Variants in MCFD2 observed in about 807,000 individuals in gnomAD.
The protein encoded by MCFD2 is multiple coagulation factor deficiency 2, ER cargo receptor complex subunit.
A neutral mutation model predicts 12.8 loss-of-function variants in MCFD2; 11 were observed. The ratio of observed to expected loss-of-function variants is 0.86; its 90% CI spans 0.54 to 1.42. MCFD2 has a LOEUF of 1.42. Among genes scored for constraint, MCFD2 ranks in the 40% most tolerant of loss-of-function variants. MCFD2 has a pLI of 0.00. For missense variants in MCFD2, 191 were observed against 178.6 expected, an observed-to-expected ratio of 1.07 and a Z score of -0.40; for synonymous variants, 70 against 68.1, an observed-to-expected ratio of 1.03 and a Z score of -0.14.
chr2:46,905,477 T>C lies in MCFD2; in HGVS notation c.427A>G (p.Lys143Glu). ...CCAAATAACATCTACTGCAGTGATT[T>C]TGCAAATTCAGCATAGTCAATGTAT... ...DGYIDYAEFA[K>E]SLQ The change falls in exon 4 of 4, where the codon AAA (lysine) becomes GAA (glutamate). Residue 143 changes from lysine (K) to glutamate (E), a missense_variant. Lys to Glu is a moderately conservative substitution (Grantham distance 56, BLOSUM62 1). Transcript: ENST00000319466. 6.2e-7 allele frequency: 1 copy of C among 1,612,762 alleles called. No individual in the cohort carries two copies. Among genetic ancestry groups the C allele is most frequent in the Non-Finnish European group, 8.5e-7 (1 of 1,179,964 alleles).
At chr2:46,935,962 G>A (rs1024673111) in intron 1 of MCFD2, among the ~76,000 whole-genome samples, 1 of 151,914 alleles carries the variant, frequency 6.6e-6, no homozygotes, top group African/African-American at 2.4e-5. Flanking sequence ...GTGGTGGCGT[G>A]TGCCTGTAGT....
chr2:46,917,471 C>T (rs1330330165), upstream of MCFD2, among the ~76,000 whole-genome samples: 2 of 152,326 alleles, frequency 1.3e-5, no homozygotes, highest in East Asian at 3.9e-4. Context: ...CATTCAATAA[C>T]ATTTCTTGAA....
chr2:46,934,568 C>G (rs1209460088), intron 1 of MCFD2, among the ~76,000 whole-genome samples: 1 of 152,074 alleles, frequency 6.6e-6, no homozygotes, highest in Non-Finnish European at 1.5e-5. Context: ...GCCACCCAAC[C>G]CGGCCTGTGA....
Position 46,909,047 on chromosome 2 carries a change from T to C in MCFD2, c.125A>G (p.Asp42Gly), listed in dbSNP as rs141927904. 84 of 1,614,188 alleles carry C rather than the reference T, an allele frequency of 5.2e-5. No homozygotes were observed. Among genetic ancestry groups the C allele is most frequent in the Non-Finnish European group, 6.7e-5 (79 of 1,180,032 alleles). Residue 42 changes from aspartate to glycine, a missense_variant, in exon 2 of 4, where the codon GAT becomes GGT. Transcript: ENST00000319466. The part of the protein sequence containing the change: ...SFSQPGSMGL[D>G]KNTVHDQEHI... ...CTCTTGGTCGTGCACTGTGTTCTTA[T>C]CCAGGCCCATGCTGCCGGGTTGGGA...
At chr2:46,916,278 G>C, upstream of MCFD2, 1 of 665,502 alleles carries the variant, frequency 1.5e-6, no homozygotes, top group South Asian at 6.7e-5. Context: ...AGCCGGCCTT[G>C]GACCCTACGT....
At chr2:46,930,284 TAA>T (rs781601021) in intron 1 of MCFD2, among the ~76,000 whole-genome samples, 1 of 151,070 alleles carries the variant, frequency 6.6e-6, no homozygotes, top group Non-Finnish European at 1.5e-5. Context: ...AGAAAAATTT[TAA>T]AAAGAGATAA....
rs1280363825 is a variant in MCFD2 at position 46,937,271 on chromosome 2, C to G, written c.-8+4301G>C. ...ATATCACAGCTGAAACCTGCTATTT[C>G]TTTTCCCCTACCCTATGCTCCTCCA... On this transcript the variant is annotated intron_variant, in intron 1 of 2. Transcript: ENST00000409147. This position sits in a 1 kb window ranked among gnomAD's most constrained non-coding sequence, Gnocchi z 4.0. Among the ~76,000 whole-genome samples the G allele has an allele frequency of 6.6e-6, 1 of 152,104 alleles. No homozygotes were observed. The highest frequency in any genetic ancestry group is 1.5e-5 in the Non-Finnish European group (1 of 68,002).
chr2:46,925,938 G>C (rs142830037), intron 1 of MCFD2, among the ~76,000 whole-genome samples: 1 of 152,306 alleles, frequency 6.6e-6, no homozygotes, highest in East Asian at 1.9e-4. Flanking sequence ...CCAGGTGTCA[G>C]CTAAGATCTT....
At chr2:46,934,435 T>A (rs187237392) in intron 1 of MCFD2, among the ~76,000 whole-genome samples, 1 of 152,074 alleles carries the variant, frequency 6.6e-6, no homozygotes, top group African/African-American at 2.4e-5. Flanking sequence ...ATTTTTGTAT[T>A]TTTAGTAGAG....
intron 1 of MCFD2, among the ~76,000 whole-genome samples, chr2:46,931,825 G>T (rs535694513): frequency 6.6e-6 from 1 of 152,250 alleles, no homozygotes; most frequent in East Asian, 1.9e-4. Flanking sequence ...TTGGACTTCT[G>T]ACCTCAGGAA....
In MCFD2 at chr2:46,905,546, T is replaced by C. The variant is rs774183668; in HGVS notation, c.358A>G (p.Ile120Val). Residue 120 changes from isoleucine to valine, a missense_variant, in exon 4 of 4, where the codon ATA becomes GTA. Ile to Val is a conservative substitution (Grantham distance 29). Transcript: ENST00000319466. ...TCATCTCTCAAAACACCATCTATTA[T>C]GTTAATCAGTTCATCTTCACTCATT... ...PLMSEDELIN[I>V]IDGVLRDDDK... 17 of 1,613,384 alleles carry C rather than the reference T, an allele frequency of 1.1e-5. No individual in the cohort carries two copies. Among genetic ancestry groups the C allele is most frequent in the Admixed American group, 3.3e-5 (2 of 59,998 alleles).
intron 1 of MCFD2, among the ~76,000 whole-genome samples, chr2:46,921,134 T>C (rs1669082619): frequency 2.0e-5 from 3 of 152,208 alleles, no homozygotes. Context: ...TTCAACACTA[T>C]TGAAAGTGCT....
chr2:46,917,187 A>G (rs772906996), upstream of MCFD2: 7 of 701,852 alleles, frequency 1.0e-5, no homozygotes, highest in South Asian at 3.0e-5. Context: ...TTTAAAGAAA[A>G]GAGTCTCCAT....
chr2:46,933,931 A>C (rs1008091080), intron 1 of MCFD2, among the ~76,000 whole-genome samples: 6 of 152,182 alleles, frequency 3.9e-5, no homozygotes, highest in Admixed American at 3.3e-4. Context: ...AAGAGGCCAG[A>C]GTGGAAGGTG....
At chr2:46,932,483 A>G (rs1279541628) in intron 1 of MCFD2, among the ~76,000 whole-genome samples, 1 of 152,198 alleles carries the variant, frequency 6.6e-6, no homozygotes, top group Admixed American at 6.5e-5. Context: ...TTGATGGTTA[A>G]TAAGAGTTTG....
intron 1 of MCFD2, among the ~76,000 whole-genome samples, chr2:46,914,694 G>A (rs540856729): frequency 1.1e-3 from 175 of 152,228 alleles, no homozygotes; most frequent in Non-Finnish European, 1.9e-3. Context: ...GAGACCGGCA[G>A]GCAGACACCC....
intron 1 of MCFD2, among the ~76,000 whole-genome samples, chr2:46,932,298 C>T (rs1669747176): frequency 6.6e-6 from 1 of 151,970 alleles, no homozygotes; most frequent in African/African-American, 2.4e-5. Context: ...TACAGGTGCC[C>T]CCACCATACT....
chr2:46,921,645 A>G (rs1669108487), intron 1 of MCFD2, among the ~76,000 whole-genome samples: 1 of 152,226 alleles, frequency 6.6e-6, no homozygotes, highest in Admixed American at 6.5e-5. Context: ...GATCTGTAAG[A>G]CAGAAATCCC....
chr2:46,907,722 G>A lies in MCFD2; in HGVS notation c.309+88C>T, dbSNP rs906859245. ...GAGAAGCAGCACTCTTGGCACATAA[G>A]GACAACACAAGTCAACAAGACTGGG... is the stretch of plus-strand genomic sequence containing the variant. On this transcript the variant is annotated intron_variant, in intron 3 of 3. Coordinates refer to ENST00000319466, the MANE Select transcript of MCFD2 (RefSeq NM_139279.6). This position sits in a 1 kb window ranked among gnomAD's most constrained non-coding sequence, Gnocchi z 4.1. 2.8e-6 allele frequency: 4 copies of A among 1,404,922 alleles called. No individual in the cohort carries two copies. Among genetic ancestry groups the A allele is most frequent in the Admixed American group, 1.7e-5 (1 of 59,478 alleles). The allele number at this position is 1,404,922 out of a possible 1,614,324, so 87.0% of individuals were successfully genotyped here.
Sources: gnomAD v4.1 joint callset for allele counts (sites outside exome capture counted in the v4.1 genomes callset) on GRCh38, gnomAD v4.1.1 for gene constraint, Gnocchi (gnomAD v3.1) non-coding constraint, MANE v1.5 for transcripts, NCBI Gene and HGNC (gene_info 2026-07-23, HGNC 2026-07-21) for gene names.